Variants in EXTL2 observed in about 807,000 individuals in gnomAD.
The protein encoded by EXTL2 is exostosin-like 2.
Under a neutral mutation model 30.7 loss-of-function variants are expected in EXTL2, and 23 were observed. That is an observed-to-expected ratio of 0.75 (90% CI 0.54 to 1.06). The LOEUF (loss-of-function observed/expected upper bound fraction) is 1.06. Ranked by LOEUF, EXTL2 falls within the 50% of genes least tolerant of loss-of-function variation. The probability of loss-of-function intolerance (pLI) is 0.00; values close to 1 mark genes in which losing one functional copy is unlikely to be tolerated. For missense variants in EXTL2, 352 were observed against 396.3 expected, an observed-to-expected ratio of 0.89 and a Z score of 0.95; for synonymous variants, 123 against 133.8, an observed-to-expected ratio of 0.92 and a Z score of 0.56.
chr1:100,891,763 G>A (rs1650440483), intron 1 of EXTL2, among the ~76,000 whole-genome samples: 1 of 152,168 alleles, frequency 6.6e-6, no homozygotes, highest in African/African-American at 2.4e-5. Flanking sequence ...AATAATGGCT[G>A]GTAATATTTA....
At chr1:100,892,283 G>A (rs575369478) in intron 1 of EXTL2, among the ~76,000 whole-genome samples, 2 of 152,252 alleles carry the variant, frequency 1.3e-5, no homozygotes, top group East Asian at 1.9e-4. Flanking sequence ...CGAAAAGCAG[G>A]CAGAAGGTGG....
intron 1 of EXTL2, among the ~76,000 whole-genome samples, chr1:100,892,822 C>A (rs1650538503): frequency 1.3e-5 from 2 of 152,176 alleles, no homozygotes; most frequent in Non-Finnish European, 2.9e-5. Flanking sequence ...TGTACCTTTA[C>A]AACTCCTTTT....
rs768601400 is a variant in EXTL2, at chr1:100,877,827, C to T, written c.82G>A (p.Val28Ile). ...VLRLSLVVIL[V>I]LLLVAGALTA... The stretch of plus-strand genomic sequence containing the variant: ...AAAGCACCAGCTACCAGTAATAATA[C>T]GAGGATGACCACCAAAGATAATCGA... The change falls in exon 3 of 5, where the codon GTA (valine) becomes ATA (isoleucine). Residue 28 changes from valine (V) to isoleucine (I), a missense_variant. By Grantham distance (29) the Val-to-Ile change is conservative. Coordinates refer to ENST00000370114, the MANE Select transcript of EXTL2 (RefSeq NM_001033025.3). This position sits in a 1 kb window ranked among gnomAD's most constrained non-coding sequence, Gnocchi z 4.1. 48 of 1,603,450 alleles carry T rather than the reference C, an allele frequency of 3.0e-5. No homozygotes were observed. The highest frequency in any genetic ancestry group is 4.5e-5 in the East Asian group (2 of 44,858).
intron 2 of EXTL2, among the ~76,000 whole-genome samples, chr1:100,882,963 T>G (rs1315060494): frequency 6.6e-6 from 1 of 152,204 alleles, no homozygotes; most frequent in Non-Finnish European, 1.5e-5. Context: ...TTAGCCAGTT[T>G]CCTTGTTTCA....
At chr1:100,877,000 G>C (rs1000095794) in intron 3 of EXTL2, 136 bp from the exon 4 acceptor site, 8 of 589,376 alleles carry the variant, frequency 1.4e-5, no homozygotes, top group African/African-American at 3.7e-5. Flanking sequence ...TGTATTCTTG[G>C]GGAGATTTGT....
At position 100,877,463 on chromosome 1, in the gene EXTL2, C is replaced by T. The variant is rs1649213788; in HGVS notation, c.433+13G>A. On this transcript the variant is annotated intron_variant, in intron 3 of 4. Coordinates refer to ENST00000370114, the MANE Select transcript of EXTL2 (RefSeq NM_001033025.3). This position sits in a 1 kb window ranked among gnomAD's most constrained non-coding sequence, Gnocchi z 4.1. Reference sequence around the variant, plus strand: ...GGCAGCCTTTCCAGGCTGAGAACTACACTGCAACTCACCATTGGTTTCCAG... The same window carrying T: ...GGCAGCCTTTCCAGGCTGAGAACTATACTGCAACTCACCATTGGTTTCCAG... 2 of 1,569,372 alleles carry T rather than the reference C, an allele frequency of 1.3e-6. No homozygotes were observed. The highest frequency in any genetic ancestry group is 1.7e-6 in the Non-Finnish European group (2 of 1,158,620).
At chr1:100,890,300 T>C (rs1316970200) in intron 1 of EXTL2, among the ~76,000 whole-genome samples, 4 of 152,038 alleles carry the variant, frequency 2.6e-5, no homozygotes, top group Non-Finnish European at 4.4e-5. Context: ...CTGCACAGAG[T>C]AGGAGTAGGG....
intron 2 of EXTL2, chr1:100,888,319 T>C (rs1439779659): frequency 6.5e-6 from 1 of 153,694 alleles, no homozygotes. Flanking sequence ...GATGAATGGA[T>C]AATACATTTA....
rs1299201312 is a variant in EXTL2, at chr1:100,873,026, A to C, written c.*916T>G. The stretch of plus-strand genomic sequence containing the variant: ...ACTTTTTAGTATCCAGAAGATAACC[A>C]GTGCTCTACCAATAAAGATCTTTTG... On this transcript the variant is annotated 3_prime_UTR_variant, in exon 5 of 5. Coordinates refer to ENST00000370114, the MANE Select transcript of EXTL2 (RefSeq NM_001033025.3). The C allele has an allele frequency of 1.3e-5, 2 of 152,056 alleles. No homozygotes were observed. Among genetic ancestry groups the C allele is most frequent in the Non-Finnish European group, 2.9e-5 (2 of 67,974 alleles). 9.4% of individuals were successfully genotyped at this position (152,056 alleles called of 1,614,324 possible). A position where few individuals can be genotyped will look rare whatever the true frequency, so the allele number is the denominator to read the frequency against.
chr1:100,887,860 G>A lies in EXTL2; in HGVS notation c.5+893C>T, dbSNP rs918307686. Among the ~76,000 whole-genome samples the A allele has an allele frequency of 2.0e-5, 3 of 151,998 alleles. No individual in the cohort carries two copies. The East Asian group carries it at 5.8e-4, about 29-fold the overall frequency. On this transcript the variant is annotated intron_variant, in intron 2 of 4. Coordinates refer to ENST00000370114, the MANE Select transcript of EXTL2 (RefSeq NM_001033025.3). Reference sequence around the variant, plus strand: ...ACTACAGGCGTCCGCCATCACACCCGGCAAATTTTTTTGTATTTTTAGTAG... The same window carrying A: ...ACTACAGGCGTCCGCCATCACACCCAGCAAATTTTTTTGTATTTTTAGTAG...
At chr1:100,893,175 T>C (rs915000133) in intron 1 of EXTL2, among the ~76,000 whole-genome samples, 8 of 152,216 alleles carry the variant, frequency 5.3e-5, no homozygotes, top group African/African-American at 1.9e-4. Context: ...TTAAAAATGT[T>C]CAATAGTATA....
chr1:100,892,123 A>C (rs1277583657), intron 1 of EXTL2, among the ~76,000 whole-genome samples: 1 of 152,140 alleles, frequency 6.6e-6, no homozygotes. Flanking sequence ...AAAGATGCAA[A>C]GTATTGTTTC....
chr1:100,879,416 G>T (rs1214565730), intron 2 of EXTL2, among the ~76,000 whole-genome samples: 1 of 152,008 alleles, frequency 6.6e-6, no homozygotes, highest in Non-Finnish European at 1.5e-5. Flanking sequence ...ACTATTCAAA[G>T]AAATTTACTT....
At chr1:100,886,162 C>T (rs769528316) in intron 2 of EXTL2, among the ~76,000 whole-genome samples, 9 of 152,136 alleles carry the variant, frequency 5.9e-5, no homozygotes, top group African/African-American at 1.4e-4. Context: ...AGAATGGCTA[C>T]GCATATATAT....
chr1:100,879,531 G>T (rs772447037), intron 2 of EXTL2, among the ~76,000 whole-genome samples: 14 of 152,166 alleles, frequency 9.2e-5, no homozygotes, highest in Non-Finnish European at 1.8e-4. Context: ...TAGATGAGAT[G>T]TTATTCTTGG....
chr1:100,872,735 G>C lies in EXTL2; in HGVS notation c.*1207C>G, dbSNP rs1184979831. On this transcript the variant is annotated 3_prime_UTR_variant, in exon 5 of 5. Coordinates refer to ENST00000370114, the MANE Select transcript of EXTL2 (RefSeq NM_001033025.3). Reference sequence around the variant, plus strand: ...AGGGAAAGGAGGAGAAAGAGAAGTTGGTAAACAGAGGCCTAGTTAAGAATT... The same window carrying C: ...AGGGAAAGGAGGAGAAAGAGAAGTTCGTAAACAGAGGCCTAGTTAAGAATT... 1 of 152,198 alleles carries C rather than the reference G, an allele frequency of 6.6e-6. No individual in the cohort carries two copies. The highest frequency in any genetic ancestry group is 1.5e-5 in the Non-Finnish European group (1 of 67,948). 9.4% of individuals were successfully genotyped at this position (152,198 alleles called of 1,614,324 possible). A position where few individuals can be genotyped will look rare whatever the true frequency, so the allele number is the denominator to read the frequency against.
At chr1:100,876,894 A>C in intron 3 of EXTL2, 30 bp from the exon 4 acceptor site, 1 of 1,495,750 alleles carries the variant, frequency 6.7e-7, no homozygotes, top group African/African-American at 1.4e-5. Context: ...ATTTAAGTTG[A>C]ATAGTTCGGA....
chr1:100,877,468 C>T lies in EXTL2; in HGVS notation c.433+8G>A. The T allele has an allele frequency of 6.3e-7, 1 of 1,575,512 alleles. No homozygotes were observed. Among genetic ancestry groups the T allele is most frequent in the South Asian group, 1.2e-5 (1 of 83,084 alleles). On this transcript the variant is annotated splice_region_variant and intron_variant, in intron 3 of 4. Transcript: ENST00000370114. This position sits in a 1 kb window ranked among gnomAD's most constrained non-coding sequence, Gnocchi z 4.1. ...CCTTTCCAGGCTGAGAACTACACTG[C>T]AACTCACCATTGGTTTCCAGTTCAG...
rs1364995548 is a variant in EXTL2 at position 100,872,917 on chromosome 1, A to T, written c.*1025T>A. 6.6e-6 allele frequency: 1 copy of T among 152,016 alleles called. No homozygotes were observed. Among genetic ancestry groups the T allele is most frequent in the East Asian group, 1.9e-4 (1 of 5,168 alleles). The allele number at this position is 152,016 out of a possible 1,614,324, so 9.4% of individuals were successfully genotyped here. Reference sequence around the variant, plus strand: ...TGGGTTCTTATTTTCTCCTCCTTGTATGTAGTTGAAATTTCATCATTATGA... The same window carrying T: ...TGGGTTCTTATTTTCTCCTCCTTGTTTGTAGTTGAAATTTCATCATTATGA... On this transcript the variant is annotated 3_prime_UTR_variant, in exon 5 of 5. Transcript: ENST00000370114.
Sources: gnomAD v4.1 joint callset for allele counts (sites outside exome capture counted in the v4.1 genomes callset) on GRCh38, gnomAD v4.1.1 for gene constraint, Gnocchi (gnomAD v3.1) non-coding constraint, MANE v1.5 for transcripts, NCBI Gene and HGNC (gene_info 2026-07-23, HGNC 2026-07-21) for gene names.